ZNF277: variants seen among roughly 807,000 people sequenced by gnomAD.
The protein encoded by ZNF277 is zinc finger protein 277, also known as nuclear receptor-interacting factor 4.
A neutral mutation model predicts 60.7 loss-of-function variants in ZNF277; 55 were observed. That is an observed-to-expected ratio of 0.91 (90% CI 0.73 to 1.13). ZNF277 has a LOEUF of 1.13. Ranked by LOEUF, ZNF277 falls within the 50% of genes most tolerant of loss-of-function variation. The pLI is 0.00. For synonymous variants in ZNF277, 178 were observed against 179.3 expected (o/e 0.99, Z 0.06); for missense variants, 510 against 523.0 (o/e 0.98, Z 0.24).
chr7:112,249,569 T>G (rs537893236), intron 1 of ZNF277, among the ~76,000 whole-genome samples: 13 of 152,042 alleles, frequency 8.6e-5, no homozygotes, highest in Non-Finnish European at 1.8e-4. Flanking sequence ...CAAGCACAGG[T>G]GGTCAAAGAG....
At chr7:112,306,653 G>T (rs1339390646) in intron 4 of ZNF277, among the ~76,000 whole-genome samples, 1 of 151,960 alleles carries the variant, frequency 6.6e-6, no homozygotes, top group East Asian at 1.9e-4. Context: ...GGTACTGTAG[G>T]TCTCCTCATC....
Position 112,286,960 on chromosome 7 carries a change from G to A in ZNF277, c.179G>A (p.Cys60Tyr). 2.5e-6 allele frequency: 4 copies of A among 1,609,968 alleles called. No individual in the cohort carries two copies. The highest frequency in any genetic ancestry group is 3.4e-6 in the Non-Finnish European group (4 of 1,179,166). The change falls in exon 2 of 12, where the codon TGT becomes TAT. Residue 60 changes from cysteine to tyrosine, a missense_variant. Transcript: ENST00000361822. ...TTAGAAGGTTCTCCATCTGTGCCTT[G>A]TATTTTCTGTGAAGAACATTTTCCT... is the stretch of plus-strand genomic sequence containing the variant. ...TTLEGSPSVP[C>Y]IFCEEHFPVA...
chr7:112,335,185 A>C (rs772555875), intron 7 of ZNF277, among the ~76,000 whole-genome samples: 14 of 152,198 alleles, frequency 9.2e-5, no homozygotes, highest in Non-Finnish European at 1.9e-4. Flanking sequence ...TTTTTCCAAA[A>C]GGATATTGAA....
chr7:112,296,500 A>G (rs1374240263), intron 4 of ZNF277, among the ~76,000 whole-genome samples, 189 bp downstream of exon 4: 7 of 151,828 alleles, frequency 4.6e-5, no homozygotes, highest in South Asian at 4.1e-4. Flanking sequence ...AAAGCGTTTT[A>G]TGTTAAAAAT....
At chr7:112,306,990 A>T (rs1792611765) in intron 4 of ZNF277, among the ~76,000 whole-genome samples, 1 of 151,918 alleles carries the variant, frequency 6.6e-6, no homozygotes, top group South Asian at 2.1e-4. Context: ...ATTTCTCAAC[A>T]TTTTTTACTC....
chr7:112,250,450 C>A (rs1017674796), intron 1 of ZNF277, among the ~76,000 whole-genome samples: 2 of 152,110 alleles, frequency 1.3e-5, no homozygotes, highest in African/African-American at 4.8e-5. Context: ...GTCTGTGACC[C>A]ACACCTATTC....
At chr7:112,292,982 G>T (rs1013029718) in intron 2 of ZNF277, among the ~76,000 whole-genome samples, 4 of 152,026 alleles carry the variant, frequency 2.6e-5, no homozygotes, top group African/African-American at 9.7e-5. Context: ...AGTAATAACT[G>T]TCATATATAT....
chr7:112,247,035 A>T (rs187501112), intron 1 of ZNF277, among the ~76,000 whole-genome samples: 1 of 152,266 alleles, frequency 6.6e-6, no homozygotes, highest in East Asian at 1.9e-4. Context: ...ATAATGCCAC[A>T]TTGCACACTG....
intron 4 of ZNF277, among the ~76,000 whole-genome samples, chr7:112,305,388 G>C (rs1203092504): frequency 6.6e-6 from 1 of 151,744 alleles, no homozygotes; most frequent in African/African-American, 2.4e-5. Flanking sequence ...AAATGATTTA[G>C]GAAAAATTGC....
At chr7:112,209,873 CATT>C (rs1821690383) in intron 1 of ZNF277, among the ~76,000 whole-genome samples, 1 of 152,084 alleles carries the variant, frequency 6.6e-6, no homozygotes, top group African/African-American at 2.4e-5. Flanking sequence ...TGAAAACCAT[CATT>C]GTGAGCAAAC....
chr7:112,232,136 G>C (rs1029106742), intron 1 of ZNF277, among the ~76,000 whole-genome samples: 5 of 149,792 alleles, frequency 3.3e-5, no homozygotes, highest in Admixed American at 1.3e-4. Context: ...TGTCATATGT[G>C]AAAGACTGGA....
At chr7:112,325,192 C>A (rs1793067991) in intron 5 of ZNF277, among the ~76,000 whole-genome samples, 1 of 152,130 alleles carries the variant, frequency 6.6e-6, no homozygotes, top group African/African-American at 2.4e-5. Context: ...GTACCTGGCC[C>A]CCTTTTCAGA....
rs760285975 is a variant in ZNF277, at chr7:112,343,713, G to A, written c.*984G>A. Among the ~76,000 whole-genome samples the A allele has an allele frequency of 6.6e-6, 1 of 152,006 alleles. No individual in the cohort carries two copies. The highest frequency in any genetic ancestry group is 2.1e-4 in the South Asian group (1 of 4,826). ...AGGCCAAGGCAGAGGATCACATGAG[G>A]TCAGGAGTTCAAGATCAGCCTGGCC... On this transcript the variant is annotated 3_prime_UTR_variant, in exon 12 of 12. Coordinates refer to ENST00000361822, the MANE Select transcript of ZNF277 (RefSeq NM_021994.3).
intron 1 of ZNF277, among the ~76,000 whole-genome samples, chr7:112,259,290 G>T (rs527594754): frequency 8.5e-5 from 13 of 152,200 alleles, no homozygotes; most frequent in African/African-American, 2.6e-4. Flanking sequence ...TATTGTAAAA[G>T]CCTAACTGAT....
chr7:112,274,039 T>A (rs560005977), intron 1 of ZNF277, among the ~76,000 whole-genome samples: 3 of 132,580 alleles, frequency 2.3e-5, no homozygotes, highest in African/African-American at 1.0e-4. Context: ...ATATATAGTA[T>A]GAGATATATA....
At chr7:112,325,151 C>T (rs1793066623) in intron 5 of ZNF277, among the ~76,000 whole-genome samples, 1 of 152,178 alleles carries the variant, frequency 6.6e-6, no homozygotes, top group Non-Finnish European at 1.5e-5. Flanking sequence ...GGACAGCCAG[C>T]CCCTTCTTGA....
At chr7:112,248,939 T>C (rs1301774743) in intron 1 of ZNF277, among the ~76,000 whole-genome samples, 1 of 152,166 alleles carries the variant, frequency 6.6e-6, no homozygotes, top group Non-Finnish European at 1.5e-5. Flanking sequence ...ACAATCTGGA[T>C]TGATGTATCT....
chr7:112,220,551 G>A (rs1821999200), intron 1 of ZNF277, among the ~76,000 whole-genome samples: 2 of 152,200 alleles, frequency 1.3e-5, no homozygotes, highest in South Asian at 4.1e-4. Context: ...ATACTGTGGT[G>A]AATAGAGGTG....
intron 1 of ZNF277, among the ~76,000 whole-genome samples, chr7:112,228,608 A>G (rs557485912): frequency 6.6e-6 from 1 of 152,068 alleles, no homozygotes; most frequent in African/African-American, 2.4e-5. Flanking sequence ...TGAATGGAGC[A>G]TATTAAATAT....
Sources: allele counts gnomAD v4.1 joint callset (sites outside exome capture counted in the v4.1 genomes callset), GRCh38; gene constraint gnomAD v4.1.1; transcripts MANE v1.5; gene names NCBI Gene and HGNC (gene_info 2026-07-23, HGNC 2026-07-21).